Variants in CUX2 observed in about 807,000 individuals in gnomAD.
The protein encoded by CUX2 is homeobox protein cut-like 2.
CUX2 carries 40 observed loss-of-function variants against 144.8 expected under a neutral mutation model. That is an observed-to-expected ratio of 0.28 (90% CI 0.21 to 0.36). CUX2 has a LOEUF of 0.36. CUX2 is among the 10% of genes least tolerant of loss of function. The pLI is 1.00. For missense variants in CUX2, 1,615 were observed against 1,994.0 expected, an observed-to-expected ratio of 0.81 and a Z score of 3.62; for synonymous variants, 827 against 875.6, an observed-to-expected ratio of 0.94 and a Z score of 0.98.
At position 111,034,970 on chromosome 12, in the gene CUX2, C is replaced by T. The variant is rs1213790041; in HGVS notation, c.63+730C>T. ...GGTTCGTCTTGCTTCTTGCCTTTAC[C>T]CCCCCGCCCCTTCCATCCCCTTCCC... On this transcript the variant is annotated intron_variant, in intron 1 of 21. Transcript: ENST00000261726. This position sits in a 1 kb window ranked among gnomAD's most constrained non-coding sequence, Gnocchi z 4.2. Among the ~76,000 whole-genome samples, 3 of 152,100 alleles carry T rather than the reference C, an allele frequency of 2.0e-5. No individual in the cohort carries two copies. The highest frequency in any genetic ancestry group is 6.5e-5 in the Admixed American group (1 of 15,288).
chr12:111,150,597 G>A (rs1876977423), intron 1 of CUX2, among the ~76,000 whole-genome samples: 1 of 152,194 alleles, frequency 6.6e-6, no homozygotes, highest in Non-Finnish European at 1.5e-5. Context: ...AAGGGAATAA[G>A]GAGCCTGAAA....
At chr12:111,330,722 T>TATATACATATAC (rs1888073150) in intron 18 of CUX2, among the ~76,000 whole-genome samples, 3 of 51,554 alleles carry the variant, frequency 5.8e-5, no homozygotes, top group South Asian at 1.1e-3. Context: ...TATATATATA[T>TATATACATATAC]ATATATATAT....
intron 3 of CUX2, among the ~76,000 whole-genome samples, chr12:111,224,088 C>A (rs1380965326): frequency 1.3e-5 from 2 of 152,172 alleles, no homozygotes; most frequent in Non-Finnish European, 2.9e-5. Flanking sequence ...AGCTCTGACT[C>A]AGATTTTAAC....
At chr12:111,056,676 G>T (rs974400008) in intron 1 of CUX2, among the ~76,000 whole-genome samples, 1 of 152,228 alleles carries the variant, frequency 6.6e-6, no homozygotes, top group Non-Finnish European at 1.5e-5. Flanking sequence ...GTGGGCCCAG[G>T]TTCAAAGGGA....
intron 1 of CUX2, among the ~76,000 whole-genome samples, chr12:111,194,669 G>A (rs1880125560): frequency 6.6e-6 from 1 of 152,192 alleles, no homozygotes; most frequent in Non-Finnish European, 1.5e-5. Context: ...GTGGGCCCCT[G>A]CCCTCACCTG....
chr12:111,203,231 CAAAAAAAAAA>C lies in CUX2; in HGVS notation c.64-10955_64-10946del, dbSNP rs35855857. Among the ~76,000 whole-genome samples the C allele has an allele frequency of 7.4e-4, 57 of 76,550 alleles. No individual in the cohort carries two copies. The South Asian group carries it at 8.6e-3, about 12-fold the overall frequency. 50.2% of individuals were successfully genotyped at this position (76,550 alleles called of 152,430 possible). A position where few individuals can be genotyped will look rare whatever the true frequency, so the allele number is the denominator to read the frequency against. ...TGGGCAACCGAATGAGACTCTGTCT[CAAAAAAAAAA>C]AAAAAAAAAAAAATCAGTAAGGGCC... On this transcript the variant is annotated intron_variant, in intron 1 of 21. Transcript: ENST00000261726.
intron 1 of CUX2, among the ~76,000 whole-genome samples, chr12:111,050,249 C>T (rs1262477955): frequency 6.6e-6 from 1 of 151,998 alleles, no homozygotes; most frequent in East Asian, 1.9e-4. Context: ...TTTTCAGACC[C>T]ATCCTCCTCT....
intron 1 of CUX2, among the ~76,000 whole-genome samples, chr12:111,205,883 G>A (rs967854457): frequency 1.3e-5 from 2 of 152,094 alleles, no homozygotes; most frequent in African/African-American, 2.4e-5. Context: ...TCATTCATTC[G>A]ACCAACAAAC....
At chr12:111,311,512 CT>C (rs1417595102) in intron 15 of CUX2, among the ~76,000 whole-genome samples, 7 of 152,018 alleles carry the variant, frequency 4.6e-5, no homozygotes, top group African/African-American at 1.7e-4. Flanking sequence ...TGGTCTCAAA[CT>C]CCTGATCTCA....
chr12:111,216,554 G>C (rs1448281355), intron 2 of CUX2, among the ~76,000 whole-genome samples: 1 of 152,210 alleles, frequency 6.6e-6, no homozygotes, highest in African/African-American at 2.4e-5. Context: ...CCGTGCTCAT[G>C]CTGCCGTCAT....
At chr12:111,187,619 G>A (rs961802570) in intron 1 of CUX2, among the ~76,000 whole-genome samples, 7 of 152,298 alleles carry the variant, frequency 4.6e-5, no homozygotes, top group South Asian at 4.1e-4. Context: ...GGGCACCCCC[G>A]TGCCACTGGT....
intron 1 of CUX2, among the ~76,000 whole-genome samples, chr12:111,213,603 G>A (rs1008843450): frequency 2.6e-5 from 4 of 152,108 alleles, no homozygotes; most frequent in Non-Finnish European, 5.9e-5. Context: ...TTTACTGCGA[G>A]ATACACAAAA....
intron 1 of CUX2, among the ~76,000 whole-genome samples, chr12:111,173,163 C>T (rs894323794): frequency 6.6e-6 from 1 of 152,216 alleles, no homozygotes; most frequent in Non-Finnish European, 1.5e-5. Flanking sequence ...CAGGCTTAGA[C>T]CCTGAGCTGG....
chr12:111,112,925 A>G (rs1439476586), intron 1 of CUX2, among the ~76,000 whole-genome samples: 2 of 152,218 alleles, frequency 1.3e-5, no homozygotes, highest in African/African-American at 4.8e-5. Flanking sequence ...GTCTCTGCAG[A>G]CTGAGCCTCA....
At position 111,246,773 on chromosome 12, in the gene CUX2, AC is replaced by A. The variant is rs1436762137; in HGVS notation, c.223-16987del. On this transcript the variant is annotated intron_variant, in intron 3 of 21. Coordinates refer to ENST00000261726, the MANE Select transcript of CUX2 (RefSeq NM_015267.4). The surrounding 1 kb of genome is among the most constrained non-coding windows in gnomAD (Gnocchi z 4.0). ...AACTGCTCTCCCTCCTGTTGAATCA[AC>A]GGCCTGCCTCTCTTGTGTGAGCCTG... 6.6e-6 allele frequency among the ~76,000 whole-genome samples: 1 copy of A among 152,024 alleles called. No homozygotes were observed. Among genetic ancestry groups the A allele is most frequent in the African/African-American group, 2.4e-5 (1 of 41,392 alleles).
intron 1 of CUX2, among the ~76,000 whole-genome samples, chr12:111,194,031 A>G (rs73197957): frequency 0.058 from 8,887 of 152,232 alleles, 301 homozygotes; most frequent in South Asian, 0.09. Context: ...GGACCTCCAC[A>G]TTCCTGCGGG....
At chr12:111,224,428 T>C (rs996660343) in intron 3 of CUX2, among the ~76,000 whole-genome samples, 14 of 150,150 alleles carry the variant, frequency 9.3e-5, no homozygotes, top group Non-Finnish European at 1.9e-4. Flanking sequence ...ATGTGCTGCG[T>C]CCTTCTTTGG....
intron 9 of CUX2, among the ~76,000 whole-genome samples, chr12:111,303,810 G>T (rs934433651): frequency 1.3e-5 from 2 of 152,104 alleles, no homozygotes; most frequent in African/African-American, 4.8e-5. Flanking sequence ...AGACTAGCCA[G>T]GCCTGAAGTT....
At chr12:111,165,625 C>A (rs1475053168) in intron 1 of CUX2, among the ~76,000 whole-genome samples, 1 of 152,136 alleles carries the variant, frequency 6.6e-6, no homozygotes, top group Non-Finnish European at 1.5e-5. Flanking sequence ...TCCTTGTCTA[C>A]AAAATGGGGG....
Sources: allele counts gnomAD v4.1 joint callset (sites outside exome capture counted in the v4.1 genomes callset), GRCh38; gene constraint gnomAD v4.1.1; non-coding constraint Gnocchi (gnomAD v3.1); transcripts MANE v1.5; gene names NCBI Gene and HGNC (gene_info 2026-07-23, HGNC 2026-07-21).